PIGU: variants seen among roughly 807,000 people sequenced by gnomAD.
The protein encoded by PIGU is phosphatidylinositol glycan anchor biosynthesis class U, also known as GPI-anchor transamidase component PIGU.
A neutral mutation model predicts 49.9 loss-of-function variants in PIGU; 24 were observed. The ratio of observed to expected loss-of-function variants is 0.48; its 90% CI spans 0.35 to 0.68. PIGU has a LOEUF of 0.68. Ranked by LOEUF, PIGU falls within the 30% of genes least tolerant of loss-of-function variation. PIGU has a pLI of 0.01. For synonymous variants in PIGU, 220 were observed against 205.7 expected (o/e 1.07, Z -0.59); for missense variants, 490 against 532.6 (o/e 0.92, Z 0.79).
intron 2 of PIGU, among the ~76,000 whole-genome samples, chr20:34,649,015 G>C (rs1986444921): frequency 6.6e-6 from 1 of 151,864 alleles, no homozygotes; most frequent in South Asian, 2.1e-4. Context: ...CTACAGGCAC[G>C]TGCCACCACA....
intron 7 of PIGU, among the ~76,000 whole-genome samples, chr20:34,589,725 G>A (rs748848852): frequency 7.0e-5 from 10 of 142,712 alleles, no homozygotes; most frequent in Non-Finnish European, 1.1e-4. Flanking sequence ...GCGTGATCTC[G>A]GCTCACTGCA....
chr20:34,560,922 G>A lies in PIGU; in HGVS notation c.1252C>T (p.His418Tyr). The A allele has an allele frequency of 6.2e-7, 1 of 1,613,156 alleles. No individual in the cohort carries two copies. The highest frequency in any genetic ancestry group is 8.5e-7 in the Non-Finnish European group (1 of 1,179,390). Residue 418 changes from histidine to tyrosine, a missense_variant, in exon 12 of 12, where the codon CAT becomes TAT. Coordinates refer to ENST00000217446, the MANE Select transcript of PIGU (RefSeq NM_080476.5). ...AFLRREYYLT[H>Y]GLYLTAKDGT... is the part of the protein sequence containing the mutation. ...TCCTTGGCGGTCAAGTAGAGGCCATGTGTGAGGTAGTACTCCCGCCGCAGG... is the reference window on the plus strand; with the variant it reads ...TCCTTGGCGGTCAAGTAGAGGCCATATGTGAGGTAGTACTCCCGCCGCAGG...
chr20:34,635,220 AGGAAAGT>A (rs146618544), intron 5 of PIGU, among the ~76,000 whole-genome samples: 2,721 of 152,350 alleles, frequency 0.018, 34 homozygotes, highest in Non-Finnish European at 0.029. Flanking sequence ...TCTGAGAACC[AGGAAAGT>A]ACATTTTCCT....
At chr20:34,595,208 GC>G (rs1352437039) in intron 7 of PIGU, among the ~76,000 whole-genome samples, 1 of 151,690 alleles carries the variant, frequency 6.6e-6, no homozygotes, top group Non-Finnish European at 1.5e-5. Context: ...AGAGAAGACA[GC>G]CCTCCATATC....
chr20:34,575,085 C>T lies in PIGU; in HGVS notation c.1194+19G>A, dbSNP rs975328429. ...ATGAATTCCTGTCCCCAAGCTGACC[C>T]CCATGCTGTCCCTCTTACCTGCCCA... On this transcript the variant is annotated intron_variant, in intron 11 of 11. Transcript: ENST00000217446. 1 of 1,613,076 alleles carries T rather than the reference C, an allele frequency of 6.2e-7. No homozygotes were observed. Among genetic ancestry groups the T allele is most frequent in the Non-Finnish European group, 8.5e-7 (1 of 1,179,252 alleles).
chr20:34,623,341 G>A (rs1182015362), intron 6 of PIGU, among the ~76,000 whole-genome samples: 4 of 152,132 alleles, frequency 2.6e-5, no homozygotes, highest in South Asian at 4.1e-4. Context: ...TTCTTTTAAC[G>A]GGGCAGCCTC....
intron 6 of PIGU, among the ~76,000 whole-genome samples, chr20:34,623,332 T>A (rs1355184230): frequency 6.6e-6 from 1 of 151,546 alleles, no homozygotes; most frequent in Non-Finnish European, 1.5e-5. Flanking sequence ...CCAAGTGTGT[T>A]CTTTTAACGG....
At chr20:34,656,670 G>A (rs975282066) in intron 2 of PIGU, among the ~76,000 whole-genome samples, 4 of 151,126 alleles carry the variant, frequency 2.6e-5, no homozygotes, top group African/African-American at 7.3e-5. Flanking sequence ...GGAGGCTCAA[G>A]TAGGAGGATC....
intron 9 of PIGU, 91 bp downstream of exon 9, chr20:34,585,346 T>C: frequency 7.0e-7 from 1 of 1,430,368 alleles, no homozygotes; most frequent in East Asian, 2.3e-5. Context: ...CAGCAGGTGC[T>C]CCACATTTGA....
At chr20:34,668,483 A>AAAAGC (rs1412365978) in intron 1 of PIGU, among the ~76,000 whole-genome samples, 1 of 88,714 alleles carries the variant, frequency 1.1e-5, no homozygotes, top group Non-Finnish European at 2.0e-5. Flanking sequence ...AAAAAAAAAA[A>AAAAGC]GGGGGGGGCG....
At chr20:34,674,931 GACCCTGTCTCTTGAAGA>G (rs1987446907) in intron 1 of PIGU, among the ~76,000 whole-genome samples, 1 of 127,052 alleles carries the variant, frequency 7.9e-6, no homozygotes, top group South Asian at 2.8e-4. Context: ...GTCAGAGTGA[GACCCTGTCTCTTGAAGA>G]AAAAAAAAAA....
chr20:34,581,512 C>A (rs1466651652), intron 10 of PIGU, 36 bp downstream of exon 10: 3 of 1,611,424 alleles, frequency 1.9e-6, no homozygotes, highest in East Asian at 2.2e-5. Flanking sequence ...CAGGCCCAGG[C>A]TGACACAAAT....
At chr20:34,623,266 A>T (rs991711754) in intron 6 of PIGU, among the ~76,000 whole-genome samples, 1 of 152,170 alleles carries the variant, frequency 6.6e-6, no homozygotes, top group African/African-American at 2.4e-5. Context: ...AACAAGTGAG[A>T]CTGCCCAGGA....
intron 3 of PIGU, 119 bp from the exon 4 acceptor site, chr20:34,644,345 A>G (rs942216626): frequency 1.3e-6 from 1 of 764,622 alleles, no homozygotes; most frequent in Admixed American, 2.2e-5. Flanking sequence ...GACTCTTACA[A>G]TCAGGTAGAA....
intron 1 of PIGU, among the ~76,000 whole-genome samples, chr20:34,669,274 G>C (rs1051372960): frequency 1.3e-5 from 2 of 152,136 alleles, no homozygotes; most frequent in African/African-American, 4.8e-5. Flanking sequence ...CTATGACTAT[G>C]TAGGATATTA....
rs867264561 is a variant in PIGU, at chr20:34,650,123, C to T, written c.196-4789G>A. 4.0e-4 allele frequency among the ~76,000 whole-genome samples: 61 copies of T among 152,288 alleles called. No individual in the cohort carries two copies. The Middle Eastern group carries it at 0.01, about 25-fold the overall frequency. ...TCGGCCTCCCAAAGTGCTGGGATTA[C>T]AGGCATGAGCCACCGTGCCTGGCCT... On this transcript the variant is annotated intron_variant, in intron 2 of 11. Transcript: ENST00000217446.
chr20:34,616,566 T>C (rs1233904729), intron 6 of PIGU, among the ~76,000 whole-genome samples: 1 of 152,146 alleles, frequency 6.6e-6, no homozygotes, highest in East Asian at 1.9e-4. Context: ...TATCACTCTT[T>C]ACAACAGCCC....
At chr20:34,624,634 T>C (rs1242611149) in intron 6 of PIGU, among the ~76,000 whole-genome samples, 3 of 152,258 alleles carry the variant, frequency 2.0e-5, no homozygotes, top group Non-Finnish European at 4.4e-5. Flanking sequence ...CTGTTTTCCT[T>C]TTTAAAGCCT....
intron 4 of PIGU, among the ~76,000 whole-genome samples, chr20:34,641,291 G>A (rs1986151975): frequency 1.3e-5 from 2 of 152,162 alleles, no homozygotes. Context: ...TGGGGTCGGG[G>A]AGAGGAAACA....
Sources: gnomAD v4.1 joint callset for allele counts (sites outside exome capture counted in the v4.1 genomes callset) on GRCh38, gnomAD v4.1.1 for gene constraint, MANE v1.5 for transcripts, NCBI Gene and HGNC (gene_info 2026-07-23, HGNC 2026-07-21) for gene names.